ANKS1B: variants seen among roughly 807,000 people sequenced by gnomAD.
ANKS1B encodes ankyrin repeat and sterile alpha motif domain-containing protein 1B.
ANKS1B carries 36 observed loss-of-function variants against 148.3 expected under a neutral mutation model. That is an observed-to-expected ratio of 0.24 (90% CI 0.19 to 0.32). ANKS1B has a LOEUF of 0.32. ANKS1B is among the 10% of genes least tolerant of loss of function. ANKS1B has a pLI of 1.00. For missense variants in ANKS1B, 1,157 were observed against 1,542.6 expected (o/e 0.75, Z 4.19); for synonymous variants, 542 against 560.8 (o/e 0.97, Z 0.47).
chr12:99,269,309 T>C (rs1197195273), intron 12 of ANKS1B, among the ~76,000 whole-genome samples: 1 of 152,236 alleles, frequency 6.6e-6, no homozygotes, highest in Non-Finnish European at 1.5e-5. Flanking sequence ...GAGAAAATTA[T>C]CTATGGTTTA....
At position 98,807,887 on chromosome 12, in the gene ANKS1B, T is replaced by C. The variant is rs1345904841; in HGVS notation, c.3098A>G (p.Gln1033Arg). ...CGCTGAGAAAGGAAATCCTGCGTTC[T>C]GATTCGTCCATATTTCACAGACAGA... ...QSSVCEIWTN[Q>R]NAGFPFSAIH... The change falls in exon 20 of 27, where the codon CAG (glutamine) becomes CGG (arginine). Residue 1033 changes from glutamine (Q) to arginine (R), a missense_variant. Gln to Arg is a conservative substitution (Grantham distance 43, BLOSUM62 1). Around this residue, in one of 6 missense-constraint regions of ANKS1B, gnomAD observed 258 missense variants for 497.0 expected, o/e 0.52. Coordinates refer to ENST00000683438, the MANE Select transcript of ANKS1B (RefSeq NM_001352186.2). 1 of 1,613,478 alleles carries C rather than the reference T, an allele frequency of 6.2e-7. No individual in the cohort carries two copies. The highest frequency in any genetic ancestry group is 1.3e-5 in the African/African-American group (1 of 75,038).
intron 1 of ANKS1B, among the ~76,000 whole-genome samples, chr12:99,854,041 C>T (rs1411038816): frequency 6.6e-6 from 1 of 152,158 alleles, no homozygotes; most frequent in Non-Finnish European, 1.5e-5. Context: ...GACGGAGTCT[C>T]GCTCTGTCGC....
chr12:99,486,249 T>C (rs1357535105), intron 10 of ANKS1B, among the ~76,000 whole-genome samples: 1 of 152,042 alleles, frequency 6.6e-6, no homozygotes, highest in East Asian at 1.9e-4. Flanking sequence ...TTAATGCTTA[T>C]AGTTAATTAT....
chr12:99,861,446 A>C (rs2090000282), intron 1 of ANKS1B, among the ~76,000 whole-genome samples: 1 of 152,192 alleles, frequency 6.6e-6, no homozygotes, highest in African/African-American at 2.4e-5. Flanking sequence ...AACTTTATTC[A>C]TTTTCTAAAG....
At chr12:99,153,357 G>C (rs1161823891) in intron 15 of ANKS1B, among the ~76,000 whole-genome samples, 2 of 152,104 alleles carry the variant, frequency 1.3e-5, no homozygotes, top group East Asian at 1.9e-4. Flanking sequence ...CAAGTCATTT[G>C]TGTGTTACAT....
At chr12:99,639,277 AC>A (rs1039370429) in intron 9 of ANKS1B, among the ~76,000 whole-genome samples, 1 of 152,126 alleles carries the variant, frequency 6.6e-6, no homozygotes, top group Non-Finnish European at 1.5e-5. Context: ...AGGTGTATTT[AC>A]CCAGTATCTG....
chr12:98,913,539 C>A (rs1470588229), intron 17 of ANKS1B, among the ~76,000 whole-genome samples: 10 of 152,218 alleles, frequency 6.6e-5, no homozygotes, highest in Non-Finnish European at 8.8e-5. Flanking sequence ...CATGTTGACA[C>A]TTCCTCAGTG....
chr12:99,676,353 A>G (rs896363306), intron 8 of ANKS1B, among the ~76,000 whole-genome samples: 2 of 152,232 alleles, frequency 1.3e-5, no homozygotes, highest in African/African-American at 2.4e-5. Flanking sequence ...TCTCTGTATG[A>G]CAGGTGAATT....
At chr12:99,786,313 C>T (rs1393326198) in intron 4 of ANKS1B, among the ~76,000 whole-genome samples, 1 of 152,122 alleles carries the variant, frequency 6.6e-6, no homozygotes, top group South Asian at 2.1e-4. Flanking sequence ...AGCTTTGGAA[C>T]AGGTATTTGT....
At chr12:98,768,550 T>C (rs12370809) in intron 25 of ANKS1B, among the ~76,000 whole-genome samples, 5,442 of 148,136 alleles carry the variant, frequency 0.037, 149 homozygotes, top group Non-Finnish European at 0.058. Flanking sequence ...TTGGCTAACA[T>C]GGTGAAACCC....
At chr12:98,902,909 G>A (rs1223603189) in intron 17 of ANKS1B, among the ~76,000 whole-genome samples, 2 of 152,164 alleles carry the variant, frequency 1.3e-5, no homozygotes, top group Non-Finnish European at 2.9e-5. Context: ...ACCTTCTAGT[G>A]TGCTTATCAG....
intron 1 of ANKS1B, among the ~76,000 whole-genome samples, chr12:99,892,158 C>T (rs1292717952): frequency 6.6e-6 from 1 of 152,126 alleles, no homozygotes; most frequent in Non-Finnish European, 1.5e-5. Flanking sequence ...TGTGTACCAC[C>T]ATGCCCGGCT....
At chr12:99,648,161 AT>A (rs34319076) in intron 9 of ANKS1B, 456,720 of 1,604,798 alleles carry the variant, frequency 0.28, 67,254 homozygotes, top group African/African-American at 0.34. Context: ...AACTGTCTTG[AT>A]TTAAAGGAAG....
rs1448614850 is a variant in ANKS1B, at chr12:99,445,263, G to C, written c.1439-1454C>G. Among the ~76,000 whole-genome samples, 7 of 152,056 alleles carry C rather than the reference G, an allele frequency of 4.6e-5. No individual in the cohort carries two copies. The East Asian group carries it at 1.4e-3, about 29-fold the overall frequency. On this transcript the variant is annotated intron_variant, in intron 10 of 26. Coordinates refer to ENST00000683438, the MANE Select transcript of ANKS1B (RefSeq NM_001352186.2). ...TTTCATTCATCTAAAAACTACACAT[G>C]TAAGAACACTTATTTGGGGCAACTA...
chr12:99,491,693 G>A (rs2096557103), intron 10 of ANKS1B, among the ~76,000 whole-genome samples: 1 of 151,956 alleles, frequency 6.6e-6, no homozygotes, highest in Admixed American at 6.6e-5. Flanking sequence ...TGCAGTATTT[G>A]GTTTTCTGTT....
chr12:98,879,114 A>G (rs941308742), intron 17 of ANKS1B, among the ~76,000 whole-genome samples: 2 of 152,202 alleles, frequency 1.3e-5, no homozygotes, highest in African/African-American at 4.8e-5. Context: ...TTTCAGATCC[A>G]TGTGGTTTGG....
chr12:99,946,274 A>G (rs933265861), intron 1 of ANKS1B, among the ~76,000 whole-genome samples: 1 of 152,162 alleles, frequency 6.6e-6, no homozygotes, highest in Non-Finnish European at 1.5e-5. Flanking sequence ...TAGATCAGTG[A>G]CCTTTATCAG....
intron 1 of ANKS1B, among the ~76,000 whole-genome samples, chr12:99,940,265 T>C (rs1380911772): frequency 6.6e-6 from 1 of 152,198 alleles, no homozygotes; most frequent in Non-Finnish European, 1.5e-5. Flanking sequence ...GTCAGTTCTA[T>C]GGCTGACACC....
intron 1 of ANKS1B, among the ~76,000 whole-genome samples, chr12:99,884,840 T>C (rs2092734497): frequency 6.6e-6 from 1 of 152,124 alleles, no homozygotes; most frequent in Non-Finnish European, 1.5e-5. Context: ...CGATTACATA[T>C]TTGTCCAAAC....
Sources: allele counts gnomAD v4.1 joint callset (sites outside exome capture counted in the v4.1 genomes callset), GRCh38; gene constraint gnomAD v4.1.1; regional missense constraint gnomAD v4.1.1; transcripts MANE v1.5; gene names NCBI Gene and HGNC (gene_info 2026-07-23, HGNC 2026-07-21).